The following SNX29 variants were observed in gnomAD, a reference collection of about 807,000 sequenced individuals.
The protein encoded by SNX29 is sorting nexin 29.
In SNX29, 78 loss-of-function variants were observed where a neutral mutation model predicts 102.1. The ratio of observed to expected loss-of-function variants is 0.76; its 90% CI spans 0.64 to 0.92. The LOEUF (loss-of-function observed/expected upper bound fraction) is 0.92. Ranked by LOEUF, SNX29 falls within the 40% of genes least tolerant of loss-of-function variation. The pLI is 0.00. For missense variants in SNX29, 1,280 were observed against 1,061.7 expected (o/e 1.21, Z -2.86); for synonymous variants, 580 against 414.5 (o/e 1.40, Z -4.85).
At chr16:12,125,236 G>T (rs1352860415) in intron 11 of SNX29, among the ~76,000 whole-genome samples, 1 of 152,118 alleles carries the variant, frequency 6.6e-6, no homozygotes, top group Non-Finnish European at 1.5e-5. Flanking sequence ...GAACATTTTG[G>T]GGGGCATGCC....
chr16:12,567,115 C>G (rs758672048), intron 20 of SNX29, among the ~76,000 whole-genome samples: 1 of 152,244 alleles, frequency 6.6e-6, no homozygotes, highest in African/African-American at 2.4e-5. Context: ...GAATGCAAGT[C>G]TCTTAACTCA....
At chr16:12,324,434 T>G (rs1014004081) in intron 15 of SNX29, among the ~76,000 whole-genome samples, 51 of 151,962 alleles carry the variant, frequency 3.4e-4, no homozygotes, top group Non-Finnish European at 7.1e-4. Context: ...TGGCATCTGT[T>G]TTTTGTTTGT....
At chr16:12,236,096 C>T (rs1053313709) in intron 14 of SNX29, among the ~76,000 whole-genome samples, 8 of 152,150 alleles carry the variant, frequency 5.3e-5, no homozygotes, top group African/African-American at 9.7e-5. Context: ...AACTGCTTTA[C>T]GTACTTATTT....
In SNX29 at chr16:12,287,754, G is replaced by A. The variant is rs139734489; in HGVS notation, c.1782+9718G>A. Among the ~76,000 whole-genome samples, 204 of 152,312 alleles carry A rather than the reference G, an allele frequency of 1.3e-3. 1 individual carries two copies. The highest frequency in any genetic ancestry group is 4.5e-3 in the African/African-American group (189 of 41,558). On this transcript the variant is annotated intron_variant, in intron 15 of 20. Coordinates refer to ENST00000566228, the MANE Select transcript of SNX29 (RefSeq NM_032167.5). ...AGGATCCCAGTAAGGTCCCCACCTC[G>A]TGATTGGTGATGGATCTCTTCAGTG...
chr16:12,167,918 G>A (rs2076054485), intron 13 of SNX29, among the ~76,000 whole-genome samples: 1 of 152,192 alleles, frequency 6.6e-6, no homozygotes. Flanking sequence ...TAGTTACAAA[G>A]GAGACTGCGT....
At chr16:12,448,772 T>G (rs533067302) in intron 18 of SNX29, among the ~76,000 whole-genome samples, 3 of 152,322 alleles carry the variant, frequency 2.0e-5, no homozygotes, top group African/African-American at 7.2e-5. Flanking sequence ...TGTCTGTCAG[T>G]CTTTCTCCAA....
chr16:12,473,578 G>C (rs1171359710), intron 18 of SNX29, among the ~76,000 whole-genome samples: 2 of 152,334 alleles, frequency 1.3e-5, no homozygotes, highest in Non-Finnish European at 2.9e-5. Context: ...TTGAATAGGG[G>C]CTGGGTAAAG....
chr16:12,503,121 G>C (rs1036646476), intron 19 of SNX29, among the ~76,000 whole-genome samples: 1 of 151,786 alleles, frequency 6.6e-6, no homozygotes, highest in African/African-American at 2.4e-5. Flanking sequence ...CCACCCCCAG[G>C]GTCGCCTCAA....
intron 20 of SNX29, among the ~76,000 whole-genome samples, chr16:12,558,001 G>A (rs1336815973): frequency 6.6e-6 from 1 of 152,152 alleles, no homozygotes; most frequent in Non-Finnish European, 1.5e-5. Context: ...GGTTGGTTGG[G>A]CTGGGTGCTG....
chr16:12,479,132 C>G (rs1430157309), intron 19 of SNX29, among the ~76,000 whole-genome samples: 6 of 152,212 alleles, frequency 3.9e-5, no homozygotes, highest in Non-Finnish European at 8.8e-5. Context: ...CGTAGACATG[C>G]TGATTCACAC....
chr16:12,141,188 A>C (rs1240625656), intron 13 of SNX29, among the ~76,000 whole-genome samples: 1 of 152,248 alleles, frequency 6.6e-6, no homozygotes, highest in African/African-American at 2.4e-5. Context: ...GTCAGTATAT[A>C]TGAAAGGCAT....
Position 12,315,563 on chromosome 16 carries a change from G to A in SNX29, c.1782+37527G>A, listed in dbSNP as rs76064938. On this transcript the variant is annotated intron_variant, in intron 15 of 20. Coordinates refer to ENST00000566228, the MANE Select transcript of SNX29 (RefSeq NM_032167.5). ...ATTAAGATAAAACGTCATTAGGGTG[G>A]GGCCTGTGTGCGTGCAGAGATGAGA... Among the ~76,000 whole-genome samples the A allele has an allele frequency of 2.8e-3, 419 of 152,206 alleles. 1 individual carries two copies. Among genetic ancestry groups the A allele is most frequent in the African/African-American group, 9.7e-3 (401 of 41,530 alleles).
intron 16 of SNX29, among the ~76,000 whole-genome samples, chr16:12,357,906 G>A (rs770066053): frequency 3.9e-5 from 6 of 152,152 alleles, no homozygotes; most frequent in Non-Finnish European, 8.8e-5. Flanking sequence ...AGTGTGATTC[G>A]ATATGCTTCT....
At chr16:12,540,248 C>A (rs896208359) in intron 20 of SNX29, among the ~76,000 whole-genome samples, 8 of 152,130 alleles carry the variant, frequency 5.3e-5, no homozygotes, top group Non-Finnish European at 1.2e-4. Flanking sequence ...GCTCCCCCCA[C>A]CCCCAGCGTA....
intron 11 of SNX29, among the ~76,000 whole-genome samples, chr16:12,104,211 A>T (rs2053136098): frequency 6.6e-6 from 1 of 152,188 alleles, no homozygotes; most frequent in Non-Finnish European, 1.5e-5. Flanking sequence ...TTCTCAAGAA[A>T]AATCAGGCAC....
In SNX29 at chr16:12,569,949, C is replaced by T. The variant is rs1031692070; in HGVS notation, c.*1320C>T. On this transcript the variant is annotated 3_prime_UTR_variant, in exon 21 of 21. Transcript: ENST00000566228. The stretch of plus-strand genomic sequence containing the variant: ...GAGGAGAAAAGCAGGTGGAAGGTGA[C>T]GGTTAGATGGTAAGCCATGGGCTTG... 1.3e-5 allele frequency: 3 copies of T among 233,894 alleles called. No homozygotes were observed. The highest frequency in any genetic ancestry group is 1.7e-5 in the Non-Finnish European group (2 of 119,132). 14.5% of individuals were successfully genotyped at this position (233,894 alleles called of 1,614,324 possible).
intron 20 of SNX29, among the ~76,000 whole-genome samples, chr16:12,562,798 T>G (rs1014256402): frequency 6.6e-6 from 1 of 152,174 alleles, no homozygotes. Context: ...CATCAAGATG[T>G]GGAACAACTC....
chr16:12,211,624 A>T (rs1042843119), intron 14 of SNX29, among the ~76,000 whole-genome samples: 3 of 152,052 alleles, frequency 2.0e-5, no homozygotes, highest in African/African-American at 7.2e-5. Context: ...GAATTGACCC[A>T]TGTTATGGTG....
intron 18 of SNX29, among the ~76,000 whole-genome samples, chr16:12,461,616 A>G: frequency 6.6e-6 from 1 of 152,136 alleles, no homozygotes; most frequent in Non-Finnish European, 1.5e-5. Context: ...AATTTGAAGC[A>G]TCGCGTCTTC....
Sources: gnomAD v4.1 joint callset for allele counts (sites outside exome capture counted in the v4.1 genomes callset) on GRCh38, gnomAD v4.1.1 for gene constraint, MANE v1.5 for transcripts, NCBI Gene and HGNC (gene_info 2026-07-23, HGNC 2026-07-21) for gene names.